The following THSD4 variants were observed in gnomAD, a reference collection of about 807,000 sequenced individuals.
The protein encoded by THSD4 is thrombospondin type 1 domain containing 4.
THSD4 carries 69 observed loss-of-function variants against 119.0 expected under a neutral mutation model. The observed-to-expected ratio is 0.58, with a 90% confidence interval of 0.48 to 0.71. THSD4 has a LOEUF of 0.71. Ranked by LOEUF, THSD4 falls within the 30% of genes least tolerant of loss-of-function variation. The probability of loss-of-function intolerance (pLI) is 0.00; values close to 1 mark genes in which losing one functional copy is unlikely to be tolerated. For missense variants in THSD4, 1,393 were observed against 1,391.1 expected, an observed-to-expected ratio of 1.00 and a Z score of -0.02; for synonymous variants, 524 against 540.4, an observed-to-expected ratio of 0.97 and a Z score of 0.42.
At chr15:71,222,625 G>A (rs954604293) in intron 4 of THSD4, among the ~76,000 whole-genome samples, 1 of 152,168 alleles carries the variant, frequency 6.6e-6, no homozygotes, top group Non-Finnish European at 1.5e-5. Flanking sequence ...GGTGAAAGAG[G>A]TTGAGGAGGG....
rs1404975980 is a variant in THSD4, at chr15:71,763,420, G to C, written c.2590-1600G>C. Among the ~76,000 whole-genome samples, 6 of 151,806 alleles carry C rather than the reference G, an allele frequency of 4.0e-5. No individual in the cohort carries two copies. In the South Asian group the frequency reaches 1.2e-3, roughly 32 times the overall value. On this transcript the variant is annotated intron_variant, in intron 15 of 17. Coordinates refer to ENST00000261862, the MANE Select transcript of THSD4 (RefSeq NM_024817.3). The stretch of plus-strand genomic sequence containing the variant: ...CAGCTTTACAACTTTAAATCAAAAA[G>C]TATTAAGAGGCTGGGCACAGTGGCT...
chr15:71,677,040 G>A (rs2051666405), intron 8 of THSD4, among the ~76,000 whole-genome samples: 1 of 152,188 alleles, frequency 6.6e-6, no homozygotes. Context: ...GCTGTCTACA[G>A]CAACTGCCCC....
intron 7 of THSD4, among the ~76,000 whole-genome samples, chr15:71,568,230 A>G (rs1045671730): frequency 1.3e-5 from 2 of 152,136 alleles, no homozygotes; most frequent in Non-Finnish European, 2.9e-5. Flanking sequence ...TGGGAAAACC[A>G]CAGAATTCTT....
intron 6 of THSD4, among the ~76,000 whole-genome samples, chr15:71,288,744 T>A (rs904740559): frequency 6.6e-6 from 1 of 152,210 alleles, no homozygotes; most frequent in Admixed American, 6.5e-5. Context: ...CACAACAGCA[T>A]CCACGTACAC....
intron 4 of THSD4, among the ~76,000 whole-genome samples, chr15:71,225,269 A>G (rs1416288375): frequency 6.6e-6 from 1 of 152,054 alleles, no homozygotes; most frequent in Non-Finnish European, 1.5e-5. Context: ...AGTATAGAAT[A>G]AAGAGCTTTG....
intron 7 of THSD4, among the ~76,000 whole-genome samples, chr15:71,447,840 T>G (rs192450766): frequency 2.0e-5 from 3 of 152,016 alleles, no homozygotes; most frequent in Non-Finnish European, 4.4e-5. Context: ...CCTTCTAGAG[T>G]CTTGTTCTGC....
At chr15:71,321,492 C>T (rs929302465) in intron 6 of THSD4, among the ~76,000 whole-genome samples, 4 of 152,062 alleles carry the variant, frequency 2.6e-5, no homozygotes, top group Admixed American at 6.6e-5. Flanking sequence ...GCCAAGATGG[C>T]GCCATTGCAC....
At chr15:71,164,722 G>C in intron 3 of THSD4, 1 of 1,561,056 alleles carries the variant, frequency 6.4e-7, no homozygotes, top group Non-Finnish European at 8.6e-7. Context: ...GTGTACAGGG[G>C]GGTTAAATGC....
chr15:71,732,886 A>C (rs2053009408), intron 10 of THSD4: 1 of 152,190 alleles, frequency 6.6e-6, no homozygotes, highest in African/African-American at 2.4e-5. Context: ...GGACGGGATA[A>C]CCAGGTTATC....
chr15:71,737,815 G>A lies in THSD4; in HGVS notation c.1714G>A (p.Asp572Asn), dbSNP rs762809843. 6.2e-7 allele frequency: 1 copy of A among 1,614,258 alleles called. No individual in the cohort carries two copies. The highest frequency in any genetic ancestry group is 1.7e-5 in the Admixed American group (1 of 60,036). ...GAAAGGGAGGAACGAGGAGAAGGAA[G>A]ACTTGCGTGGGGAGGCCCCTGAGAT... Reference protein sequence around the residue: ...EQKGRNEEKEDLRGEAPEMFT... With the variant: ...EQKGRNEEKENLRGEAPEMFT... The change falls in exon 11 of 18, where the codon GAC (aspartate) becomes AAC (asparagine). Residue 572 changes from aspartate to asparagine, a missense_variant. By Grantham distance (23) the Asp-to-Asn change is conservative. Coordinates refer to ENST00000261862, the MANE Select transcript of THSD4 (RefSeq NM_024817.3).
At chr15:71,164,824 C>CTCCTCATCCTCTTCATCT in intron 3 of THSD4, 1 of 1,592,466 alleles carries the variant, frequency 6.3e-7, no homozygotes, top group Non-Finnish European at 8.5e-7. Context: ...CTTCCTCCTC[C>CTCCTCATCCTCTTCATCT]TCCTCATCCT....
At chr15:71,455,613 A>G (rs1351250049) in intron 7 of THSD4, among the ~76,000 whole-genome samples, 1 of 152,154 alleles carries the variant, frequency 6.6e-6, no homozygotes, top group African/African-American at 2.4e-5. Flanking sequence ...GTTGGGCTGT[A>G]ATAAAATGCT....
At position 71,575,101 on chromosome 15, in the gene THSD4, C is replaced by A. The variant is rs2049425066; in HGVS notation, c.1153-85429C>A. 3.2e-5 allele frequency among the ~76,000 whole-genome samples: 3 copies of A among 93,944 alleles called. No individual in the cohort carries two copies. The South Asian group carries it at 9.8e-4, about 31-fold the overall frequency. The allele number at this position is 93,944 out of a possible 152,430, so 61.6% of individuals were successfully genotyped here. ...GCTGAGGGCATTGTTCATTTTACTG[C>A]ACCATGGGAGAGATTACTCTCTTGT... is the stretch of plus-strand genomic sequence containing the variant. On this transcript the variant is annotated intron_variant, in intron 7 of 17. Coordinates refer to ENST00000261862, the MANE Select transcript of THSD4 (RefSeq NM_024817.3).
chr15:71,474,723 A>G (rs907192535), intron 7 of THSD4, among the ~76,000 whole-genome samples: 1 of 152,184 alleles, frequency 6.6e-6, no homozygotes, highest in Non-Finnish European at 1.5e-5. Context: ...TCAGCCCCAC[A>G]TGAGACAGGA....
At chr15:71,712,235 T>C (rs142297435) in intron 8 of THSD4, among the ~76,000 whole-genome samples, 50 of 152,202 alleles carry the variant, frequency 3.3e-4, no homozygotes, top group Non-Finnish European at 6.0e-4. Flanking sequence ...TATTAAAAAA[T>C]AACATAGGAA....
intron 6 of THSD4, among the ~76,000 whole-genome samples, chr15:71,406,340 G>A (rs1346464426): frequency 3.9e-5 from 6 of 152,096 alleles, no homozygotes; most frequent in African/African-American, 1.4e-4. Context: ...TGCTACTGTT[G>A]GGAGGAGTAT....
chr15:71,249,852 A>G lies in THSD4; in HGVS notation c.912+6756A>G, dbSNP rs77623163. On this transcript the variant is annotated intron_variant, in intron 5 of 17. Transcript: ENST00000261862. ...TGATATATCAACTTAAATTTTCTCC[A>G]TCAACTCCTTATTCTGGAAGATGAA... Among the ~76,000 whole-genome samples, 970 of 152,148 alleles carry G rather than the reference A, an allele frequency of 6.4e-3. 7 individuals carry two copies. The highest frequency in any genetic ancestry group is 0.022 in the African/African-American group (916 of 41,512).
At chr15:71,119,480 G>C (rs955624411) in intron 1 of THSD4, among the ~76,000 whole-genome samples, 1 of 152,188 alleles carries the variant, frequency 6.6e-6, no homozygotes, top group Non-Finnish European at 1.5e-5. Flanking sequence ...TTTTGACAGA[G>C]GCCCTGACTT....
intron 6 of THSD4, among the ~76,000 whole-genome samples, chr15:71,403,074 G>T (rs1156297338): frequency 1.3e-5 from 2 of 152,110 alleles, no homozygotes; most frequent in Non-Finnish European, 2.9e-5. Flanking sequence ...GGAACTCTCT[G>T]ACCTGCTCTA....
Sources: allele counts gnomAD v4.1 joint callset (sites outside exome capture counted in the v4.1 genomes callset), GRCh38; gene constraint gnomAD v4.1.1; transcripts MANE v1.5; gene names NCBI Gene and HGNC (gene_info 2026-07-23, HGNC 2026-07-21).